SNRPN: variants seen among roughly 807,000 people sequenced by gnomAD.
SNRPN encodes small nuclear ribonucleoprotein-associated protein N.
Under a neutral mutation model 25.2 loss-of-function variants are expected in SNRPN, and 7 were observed. That is an observed-to-expected ratio of 0.28 (90% confidence interval 0.16 to 0.52). The LOEUF is 0.52. SNRPN is among the 20% of genes least tolerant of loss of function. The probability of loss-of-function intolerance (pLI) is 0.96; values close to 1 mark genes in which losing one functional copy is unlikely to be tolerated. For synonymous variants in SNRPN, 124 were observed against 110.6 expected (o/e 1.12, Z -0.76); for missense variants, 196 against 322.5 (o/e 0.61, Z 3.00).
At chr15:24,968,890 A>G (rs2076036375) in intron 3 of SNRPN, 1 of 152,160 alleles carries the variant, frequency 6.6e-6, no homozygotes, top group Non-Finnish European at 1.5e-5. Flanking sequence ...AAAAGTTATT[A>G]CAAAGTCGAT....
intron 2 of SNRPN, among the ~76,000 whole-genome samples, chr15:24,915,000 C>G (rs2059426895): frequency 6.6e-6 from 1 of 151,912 alleles, no homozygotes; most frequent in Admixed American, 6.6e-5. Context: ...TAAACTGACA[C>G]CTAACAAGAT....
At chr15:24,892,125 A>G (rs1375323266) in intron 2 of SNRPN, among the ~76,000 whole-genome samples, 1 of 152,246 alleles carries the variant, frequency 6.6e-6, no homozygotes, top group Non-Finnish European at 1.5e-5. Flanking sequence ...CTGCAAAGAC[A>G]TCTAACAGCT....
At chr15:24,856,494 G>C (rs2053400696), upstream of SNRPN, 1 of 152,290 alleles carries the variant, frequency 6.6e-6, no homozygotes, top group Admixed American at 6.5e-5. Flanking sequence ...GTTGTACCAT[G>C]AATGCGGTCG....
At chr15:24,868,386 T>C (rs2054790574) in intron 1 of SNRPN, among the ~76,000 whole-genome samples, 1 of 152,192 alleles carries the variant, frequency 6.6e-6, no homozygotes, top group Non-Finnish European at 1.5e-5. Context: ...CTCCTTCCCA[T>C]GTTGGCTTCT....
intron 1 of SNRPN, among the ~76,000 whole-genome samples, chr15:24,866,579 A>G (rs1432752580): frequency 1.3e-5 from 2 of 152,052 alleles, no homozygotes; most frequent in Non-Finnish European, 2.9e-5. Flanking sequence ...TAGCGTTTTA[A>G]AAATAAGACT....
At chr15:24,953,321 CTTTTA>C (rs549950393), upstream of SNRPN, among the ~76,000 whole-genome samples, 533 of 152,146 alleles carry the variant, frequency 3.5e-3, 4 homozygotes, top group African/African-American at 0.012. Context: ...ATACAGTATG[CTTTTA>C]TTTTATTTAT....
chr15:24,848,258 G>GGGCGGCGGCAGGGGCGGGGGCGGC (rs71312669), intron 2 of SNRPN: 1 of 124,148 alleles, frequency 8.1e-6, no homozygotes, highest in Non-Finnish European at 1.8e-5. Flanking sequence ...GCGGGGGCGG[G>GGGCGGCGGCAGGGGCGGGGGCGGC]GGCGGGGGCG....
chr15:24,881,558 AGGGAGGGAGGGAGGGAGGGAGG>A (rs2056627270), intron 1 of SNRPN, among the ~76,000 whole-genome samples: 1 of 41,062 alleles, frequency 2.4e-5, no homozygotes, highest in Non-Finnish European at 5.2e-5. Context: ...AGAGAGAGGG[AGGGAGGGAGGGAGGGAGGGAGG>A]GAGGGAGAGA....
At chr15:24,908,264 A>C (rs1188183930) in intron 2 of SNRPN, among the ~76,000 whole-genome samples, 2 of 152,120 alleles carry the variant, frequency 1.3e-5, no homozygotes, top group African/African-American at 4.8e-5. Context: ...TGGTACTGAG[A>C]AGTGGCAGTG....
At chr15:24,888,926 A>T (rs914143488) in intron 2 of SNRPN, among the ~76,000 whole-genome samples, 2 of 150,376 alleles carry the variant, frequency 1.3e-5, no homozygotes, top group Non-Finnish European at 3.0e-5. Flanking sequence ...TTCTTTTTTT[A>T]TTTTTTTTTG....
At chr15:24,857,006 C>T (rs897287586) in intron 1 of SNRPN, among the ~76,000 whole-genome samples, 6 of 151,982 alleles carry the variant, frequency 3.9e-5, no homozygotes, top group African/African-American at 1.4e-4. Context: ...TTAGTGTTGT[C>T]GAGAAATTTC....
intron 2 of SNRPN, chr15:24,850,171 G>A (rs975754506): frequency 6.6e-6 from 1 of 152,204 alleles, no homozygotes; most frequent in African/African-American, 2.4e-5. Flanking sequence ...GCAGAAGGTT[G>A]CAAAACAAGT....
intron 6 of SNRPN, 38 bp downstream of exon 6, chr15:24,976,454 C>A: frequency 7.6e-7 from 1 of 1,310,962 alleles, no homozygotes; most frequent in Non-Finnish European, 1.1e-6. Context: ...CTTTAATTTG[C>A]AGGGACATCA....
chr15:24,928,379 G>A (rs983060188), intron 3 of SNRPN, among the ~76,000 whole-genome samples: 1 of 151,744 alleles, frequency 6.6e-6, no homozygotes, highest in Admixed American at 6.6e-5. Flanking sequence ...TATACACAAT[G>A]GAATACTATT....
At chr15:24,848,252 G>GGACGGGGGCGGC (rs2052412490) in intron 2 of SNRPN, 1 of 135,302 alleles carries the variant, frequency 7.4e-6, no homozygotes, top group Non-Finnish European at 1.7e-5. Context: ...GCGGCGGCGG[G>GGACGGGGGCGGC]GGCGGGGGCG....
intron 1 of SNRPN, among the ~76,000 whole-genome samples, chr15:24,885,390 C>A (rs1295029037): frequency 1.3e-5 from 2 of 152,206 alleles, no homozygotes; most frequent in African/African-American, 4.8e-5. Flanking sequence ...CCTTTAAAAT[C>A]TTCCTAGACA....
In SNRPN at chr15:24,924,271, G is replaced by A. The variant is rs551802102; in HGVS notation, c.-391+4147G>A. Among the ~76,000 whole-genome samples, 17 of 152,068 alleles carry A rather than the reference G, an allele frequency of 1.1e-4. No homozygotes were observed. The South Asian group carries it at 2.9e-3, about 26-fold the overall frequency. On this transcript the variant is annotated intron_variant, in intron 3 of 11. Coordinates refer to the SNRPN transcript ENST00000400097. ...ATGTACCCTCTTCTTAGGACAGAGG[G>A]TATAGGTGATTAGGTAACTTAGGGG...
chr15:24,858,690 A>G (rs2053675322), intron 1 of SNRPN, among the ~76,000 whole-genome samples: 4 of 151,738 alleles, frequency 2.6e-5, no homozygotes, highest in South Asian at 2.1e-4. Flanking sequence ...AATCCCAGCT[A>G]CTCGGGAGGC....
chr15:24,879,177 G>GT (rs2056333828), intron 1 of SNRPN, among the ~76,000 whole-genome samples: 1 of 152,192 alleles, frequency 6.6e-6, no homozygotes, highest in Non-Finnish European at 1.5e-5. Context: ...GCTCACGCCT[G>GT]TAATCCTAGC....
Sources: gnomAD v4.1 joint callset for allele counts (sites outside exome capture counted in the v4.1 genomes callset) on GRCh38, gnomAD v4.1.1 for gene constraint, MANE v1.5 for transcripts, NCBI Gene and HGNC (gene_info 2026-07-23, HGNC 2026-07-21) for gene names.